The following TNFAIP8 variants were observed in gnomAD, a reference collection of about 807,000 sequenced individuals.
TNFAIP8 encodes TNF alpha induced protein 8, also known as tumor necrosis factor alpha-induced protein 8.
Under a neutral mutation model 13.3 loss-of-function variants are expected in TNFAIP8, and 7 were observed. The ratio of observed to expected loss-of-function variants is 0.52; its 90% CI spans 0.30 to 0.99. The LOEUF is 0.99. Among genes scored for constraint, TNFAIP8 ranks in the 50% least tolerant of loss-of-function variants. The pLI is 0.07. For synonymous variants in TNFAIP8, 94 were observed against 87.6 expected (o/e 1.07, Z -0.41); for missense variants, 258 against 236.9 (o/e 1.09, Z -0.58).
intron 1 of TNFAIP8, among the ~76,000 whole-genome samples, chr5:119,369,711 A>G (rs1752004383): frequency 6.6e-6 from 1 of 152,216 alleles, no homozygotes; most frequent in Non-Finnish European, 1.5e-5. Flanking sequence ...CAGTCTGTCA[A>G]AACCACACCA....
chr5:119,347,328 G>C (rs1215276658), intron 1 of TNFAIP8, among the ~76,000 whole-genome samples: 31 of 152,272 alleles, frequency 2.0e-4, no homozygotes, highest in Non-Finnish European at 5.9e-5. Context: ...CTTTCTATCT[G>C]ATATGGGCTG....
At chr5:119,271,878 G>C (rs1020356973) in intron 1 of TNFAIP8, among the ~76,000 whole-genome samples, 2 of 152,018 alleles carry the variant, frequency 1.3e-5, no homozygotes, top group East Asian at 1.9e-4. Flanking sequence ...AAAGGCCCTC[G>C]TAACACCCAA....
intron 1 of TNFAIP8, among the ~76,000 whole-genome samples, chr5:119,390,230 T>C (rs1752841701): frequency 6.6e-6 from 1 of 152,194 alleles, no homozygotes; most frequent in Admixed American, 6.5e-5. Context: ...ATTTCAACTT[T>C]ATATGTAATA....
upstream of TNFAIP8, among the ~76,000 whole-genome samples, chr5:119,351,266 A>G (rs1413755094): frequency 6.6e-6 from 1 of 152,042 alleles, no homozygotes; most frequent in South Asian, 2.1e-4. Context: ...GCCACAAACA[A>G]TCCTTGCACC....
rs191203906 is a variant in TNFAIP8, at chr5:119,349,535, G to T, written c.2-43281G>T. On this transcript the variant is annotated intron_variant, in intron 1 of 1. Coordinates refer to the TNFAIP8 transcript ENST00000274456. ...CAGCCAGTGCTTGCTCCGCTGATGC[G>T]GGTGTCAGTAATCAGGGCCAGGTCT... Among the ~76,000 whole-genome samples, 12 of 152,308 alleles carry T rather than the reference G, an allele frequency of 7.9e-5. No homozygotes were observed. In the East Asian group the frequency reaches 2.3e-3, roughly 29 times the overall value.
chr5:119,374,580 G>C (rs1168262906), intron 1 of TNFAIP8, among the ~76,000 whole-genome samples: 7 of 152,214 alleles, frequency 4.6e-5, no homozygotes, highest in African/African-American at 1.7e-4. Context: ...TTCTAGCTCA[G>C]CTTGGTTGCC....
chr5:119,386,870 T>C (rs1452029783), intron 1 of TNFAIP8, among the ~76,000 whole-genome samples: 2 of 152,182 alleles, frequency 1.3e-5, no homozygotes, highest in Admixed American at 6.5e-5. Context: ...GTTGATAAGA[T>C]TGCCTCCAGC....
chr5:119,270,182 A>G (rs1271912273), intron 1 of TNFAIP8, among the ~76,000 whole-genome samples: 1 of 152,286 alleles, frequency 6.6e-6, no homozygotes, highest in Non-Finnish European at 1.5e-5. Flanking sequence ...ATGAAAGGTA[A>G]GAGTTGATAA....
intron 1 of TNFAIP8, among the ~76,000 whole-genome samples, chr5:119,310,269 G>T (rs1231925637): frequency 6.6e-6 from 1 of 151,992 alleles, no homozygotes; most frequent in Non-Finnish European, 1.5e-5. Context: ...TAGACACTGG[G>T]CTGAGGCTAG....
At chr5:119,357,713 C>T (rs1228514170) in intron 1 of TNFAIP8, among the ~76,000 whole-genome samples, 1 of 151,828 alleles carries the variant, frequency 6.6e-6, no homozygotes, top group African/African-American at 2.4e-5. Context: ...TCCTCACCTT[C>T]CCTCCACTTG....
At chr5:119,279,855 A>T (rs1748574557) in intron 1 of TNFAIP8, among the ~76,000 whole-genome samples, 2 of 152,230 alleles carry the variant, frequency 1.3e-5, no homozygotes, top group Non-Finnish European at 2.9e-5. Flanking sequence ...TTTTAATTAA[A>T]CAGTGTACAT....
chr5:119,384,725 A>G lies in TNFAIP8; in HGVS notation c.32-8091A>G, dbSNP rs976071277. On this transcript the variant is annotated intron_variant, in intron 1 of 1. Coordinates refer to ENST00000504771, the MANE Select transcript of TNFAIP8 (RefSeq NM_014350.4). The stretch of plus-strand genomic sequence containing the variant: ...TGAGACTGACAGTCTTTGAGGTCCA[A>G]CCATACTGCTTTATACTAACATCAC... 2.6e-5 allele frequency among the ~76,000 whole-genome samples: 4 copies of G among 152,166 alleles called. No individual in the cohort carries two copies. In the South Asian group the frequency reaches 6.2e-4, roughly 24 times the overall value.
At chr5:119,285,577 C>A (rs1424356342) in intron 1 of TNFAIP8, among the ~76,000 whole-genome samples, 1 of 152,016 alleles carries the variant, frequency 6.6e-6, no homozygotes, top group Non-Finnish European at 1.5e-5. Context: ...ATTTGTGTTC[C>A]CTCTCATTGC....
intron 1 of TNFAIP8, among the ~76,000 whole-genome samples, chr5:119,361,446 A>C (rs1266147402): frequency 6.6e-6 from 1 of 152,178 alleles, no homozygotes; most frequent in East Asian, 1.9e-4. Context: ...ATGGTTTTGA[A>C]GATGGGGGAG....
chr5:119,290,834 G>A (rs1375914273), intron 1 of TNFAIP8, among the ~76,000 whole-genome samples: 1 of 152,118 alleles, frequency 6.6e-6, no homozygotes, highest in Non-Finnish European at 1.5e-5. Context: ...GCAAAGCAGG[G>A]CGGACAGCAG....
At chr5:119,346,292 G>A (rs1450887251) in intron 1 of TNFAIP8, among the ~76,000 whole-genome samples, 2 of 152,180 alleles carry the variant, frequency 1.3e-5, no homozygotes, top group Non-Finnish European at 2.9e-5. Context: ...TGTTCAGCAG[G>A]AGCCAGTTGC....
intron 1 of TNFAIP8, among the ~76,000 whole-genome samples, chr5:119,379,758 T>C (rs1752417387): frequency 6.6e-6 from 1 of 151,534 alleles, no homozygotes; most frequent in South Asian, 2.1e-4. Context: ...ACCTGGGTAA[T>C]TTTTTTGTAT....
intron 1 of TNFAIP8, among the ~76,000 whole-genome samples, chr5:119,290,196 AACTT>A (rs1270793683): frequency 6.6e-6 from 1 of 152,236 alleles, no homozygotes; most frequent in Non-Finnish European, 1.5e-5. Context: ...AGATTACTAA[AACTT>A]AGTAGCTAAA....
At chr5:119,301,721 C>T (rs987122708) in intron 1 of TNFAIP8, among the ~76,000 whole-genome samples, 2 of 152,082 alleles carry the variant, frequency 1.3e-5, no homozygotes, top group Non-Finnish European at 2.9e-5. Flanking sequence ...TTTAACAAGT[C>T]ATCTTTATGT....
Sources: gnomAD v4.1 joint callset for allele counts (sites outside exome capture counted in the v4.1 genomes callset) on GRCh38, gnomAD v4.1.1 for gene constraint, MANE v1.5 for transcripts, NCBI Gene and HGNC (gene_info 2026-07-23, HGNC 2026-07-21) for gene names.